The following SLC24A3 variants were observed in gnomAD, a reference collection of about 807,000 sequenced individuals.
The protein encoded by SLC24A3 is sodium/potassium/calcium exchanger 3.
SLC24A3 carries 28 observed loss-of-function variants against 75.8 expected under a neutral mutation model. That is an observed-to-expected ratio of 0.37 (90% CI 0.27 to 0.51). SLC24A3 has a LOEUF of 0.51. SLC24A3 is among the 20% of genes least tolerant of loss of function. The probability of loss-of-function intolerance (pLI) is 0.94; values close to 1 mark genes in which losing one functional copy is unlikely to be tolerated. For synonymous variants in SLC24A3, 372 were observed against 334.1 expected (o/e 1.11, Z -1.24); for missense variants, 663 against 847.8 (o/e 0.78, Z 2.71).
chr20:19,331,223 A>G (rs1984990709), intron 2 of SLC24A3, among the ~76,000 whole-genome samples: 1 of 152,184 alleles, frequency 6.6e-6, no homozygotes, highest in Non-Finnish European at 1.5e-5. Flanking sequence ...GGAATTGATG[A>G]GTGTGCTGTG....
At chr20:19,247,652 A>G (rs1982534025) in intron 1 of SLC24A3, among the ~76,000 whole-genome samples, 1 of 152,240 alleles carries the variant, frequency 6.6e-6, no homozygotes, top group South Asian at 2.1e-4. Context: ...AATGCTCATC[A>G]GATTTTGAAG....
chr20:19,417,642 G>A (rs55682953), intron 2 of SLC24A3, among the ~76,000 whole-genome samples: 4,971 of 152,244 alleles, frequency 0.033, 246 homozygotes, highest in African/African-American at 0.11. Context: ...AGAATAAGTT[G>A]TTTATTAGGA....
intron 15 of SLC24A3, among the ~76,000 whole-genome samples, chr20:19,713,494 C>T (rs1160700270): frequency 6.6e-6 from 1 of 152,194 alleles, no homozygotes; most frequent in Non-Finnish European, 1.5e-5. Flanking sequence ...ACACTGGCCT[C>T]CTTATAATGC....
chr20:19,457,577 T>C (rs1249072482), intron 2 of SLC24A3, among the ~76,000 whole-genome samples: 4 of 152,172 alleles, frequency 2.6e-5, no homozygotes, highest in Admixed American at 6.5e-5. Flanking sequence ...GCTGGGAATA[T>C]TTGAGAAGTG....
chr20:19,692,651 A>G (rs1298079144), intron 12 of SLC24A3, among the ~76,000 whole-genome samples: 1 of 152,220 alleles, frequency 6.6e-6, no homozygotes, highest in African/African-American at 2.4e-5. Context: ...TCTGGATTGC[A>G]TTGAGGAATA....
At chr20:19,583,075 T>A (rs2031241268) in intron 4 of SLC24A3, among the ~76,000 whole-genome samples, 2 of 152,056 alleles carry the variant, frequency 1.3e-5, no homozygotes, top group Non-Finnish European at 2.9e-5. Flanking sequence ...GGGAGGAAAC[T>A]AGATCACACA....
At chr20:19,354,242 A>C (rs1267234819) in intron 2 of SLC24A3, among the ~76,000 whole-genome samples, 2 of 152,212 alleles carry the variant, frequency 1.3e-5, no homozygotes, top group African/African-American at 4.8e-5. Flanking sequence ...GAAATAAGTA[A>C]TTTGAAAACA....
intron 1 of SLC24A3, among the ~76,000 whole-genome samples, chr20:19,277,626 G>A (rs1045726006): frequency 7.2e-5 from 11 of 152,204 alleles, no homozygotes; most frequent in Non-Finnish European, 1.3e-4. Context: ...TCAGCCATCA[G>A]TGGTCAAATA....
intron 2 of SLC24A3, among the ~76,000 whole-genome samples, chr20:19,367,458 G>A (rs1056635341): frequency 6.7e-6 from 1 of 149,830 alleles, no homozygotes; most frequent in Non-Finnish European, 1.5e-5. Context: ...AAGCAGAGAC[G>A]TAAAACAAAC....
chr20:19,491,274 T>A (rs1381511724), intron 2 of SLC24A3, among the ~76,000 whole-genome samples: 1 of 152,186 alleles, frequency 6.6e-6, no homozygotes, highest in Non-Finnish European at 1.5e-5. Context: ...TCATTCCGGT[T>A]CCTCCTGGTC....
intron 2 of SLC24A3, among the ~76,000 whole-genome samples, chr20:19,419,806 T>C (rs1018363238): frequency 3.3e-5 from 5 of 150,832 alleles, no homozygotes; most frequent in African/African-American, 2.5e-5. Context: ...GGTCTCGCCA[T>C]GTCCTCGACA....
At chr20:19,300,629 G>A (rs3827977) in intron 2 of SLC24A3, among the ~76,000 whole-genome samples, 3,201 of 152,202 alleles carry the variant, frequency 0.021, 45 homozygotes, top group African/African-American at 0.034. Flanking sequence ...AAGAACTTCC[G>A]GGGCTCATAA....
At chr20:19,473,382 G>C (rs6106083) in intron 2 of SLC24A3, among the ~76,000 whole-genome samples, 56,418 of 152,084 alleles carry the variant, frequency 0.37, 11,822 homozygotes, top group African/African-American at 0.58. Flanking sequence ...AACTCACAAT[G>C]CACCACACTG....
At chr20:19,652,816 C>G (rs1308827857) in intron 6 of SLC24A3, among the ~76,000 whole-genome samples, 1 of 152,160 alleles carries the variant, frequency 6.6e-6, no homozygotes, top group East Asian at 1.9e-4. Flanking sequence ...ATTGCATGTC[C>G]CTGGGGTCCC....
intron 1 of SLC24A3, among the ~76,000 whole-genome samples, chr20:19,242,905 A>T (rs1195758362): frequency 6.6e-6 from 1 of 152,220 alleles, no homozygotes; most frequent in Non-Finnish European, 1.5e-5. Flanking sequence ...GAAAAGTAAG[A>T]ATAATCTGGA....
intron 6 of SLC24A3, among the ~76,000 whole-genome samples, chr20:19,601,113 C>T (rs1035219355): frequency 6.6e-6 from 1 of 152,176 alleles, no homozygotes. Context: ...TAATATCTAC[C>T]TAATAGGGTT....
chr20:19,442,300 TG>T (rs1181632066), intron 2 of SLC24A3, among the ~76,000 whole-genome samples: 1 of 152,222 alleles, frequency 6.6e-6, no homozygotes, highest in African/African-American at 2.4e-5. Context: ...TCTTCCAATA[TG>T]GCTGTACCAT....
intron 2 of SLC24A3, among the ~76,000 whole-genome samples, chr20:19,429,521 TG>T (rs763020256): frequency 3.3e-5 from 5 of 152,338 alleles, no homozygotes; most frequent in Admixed American, 6.5e-5. Context: ...CAGGAGACAC[TG>T]TTCTTTCTTG....
At chr20:19,585,321 C>T in intron 5 of SLC24A3, 120 bp from the exon 6 acceptor site, 5 of 979,738 alleles carry the variant, frequency 5.1e-6, no homozygotes, top group South Asian at 3.1e-5. Context: ...GCTCTCTCCA[C>T]CCCTCAGCTG....
Sources: allele counts gnomAD v4.1 joint callset (sites outside exome capture counted in the v4.1 genomes callset), GRCh38; gene constraint gnomAD v4.1.1; transcripts MANE v1.5; gene names NCBI Gene and HGNC (gene_info 2026-07-23, HGNC 2026-07-21).